Variants in PLD5 observed in about 807,000 individuals in gnomAD.
The protein encoded by PLD5 is inactive phospholipase D5.
Under a neutral mutation model 61.1 loss-of-function variants are expected in PLD5, and 36 were observed. The observed-to-expected ratio is 0.59, with a 90% CI of 0.45 to 0.78. PLD5 has a LOEUF of 0.78. Among genes scored for constraint, PLD5 ranks in the 30% least tolerant of loss-of-function variants. The pLI is 0.00. For missense variants in PLD5, 515 were observed against 644.4 expected (o/e 0.80, Z 2.17); for synonymous variants, 243 against 242.8 (o/e 1.00, Z -0.01).
At chr1:242,373,371 C>A (rs1661756221) in intron 1 of PLD5, among the ~76,000 whole-genome samples, 1 of 152,172 alleles carries the variant, frequency 6.6e-6, no homozygotes, top group African/African-American at 2.4e-5. Flanking sequence ...ACTAGTTCAA[C>A]CATTGTGGAA....
intron 1 of PLD5, among the ~76,000 whole-genome samples, chr1:242,508,138 C>T (rs1043458503): frequency 6.7e-6 from 1 of 150,372 alleles, no homozygotes; most frequent in African/African-American, 2.4e-5. Flanking sequence ...CCAAGGTGGG[C>T]GGATCACCTG....
At chr1:242,475,280 G>A (rs927213989) in intron 1 of PLD5, among the ~76,000 whole-genome samples, 1 of 151,938 alleles carries the variant, frequency 6.6e-6, no homozygotes, top group African/African-American at 2.4e-5. Flanking sequence ...AAAATTAGCT[G>A]GGCGCGGTGG....
intron 3 of PLD5, among the ~76,000 whole-genome samples, chr1:242,282,395 C>T (rs1459897862): frequency 6.6e-6 from 1 of 152,170 alleles, no homozygotes; most frequent in Non-Finnish European, 1.5e-5. Context: ...ATCTGCTAAC[C>T]ACTGTGTAGA....
At chr1:242,250,771 T>C (rs1248636531) in intron 4 of PLD5, among the ~76,000 whole-genome samples, 1 of 151,998 alleles carries the variant, frequency 6.6e-6, no homozygotes, top group Non-Finnish European at 1.5e-5. Flanking sequence ...CCTCATTCAG[T>C]GTGGAGAATA....
chr1:242,099,312 C>T (rs540688686), intron 9 of PLD5, among the ~76,000 whole-genome samples: 14 of 151,920 alleles, frequency 9.2e-5, no homozygotes, highest in South Asian at 4.2e-4. Flanking sequence ...TTTTTAGTAA[C>T]GACAGGTTTT....
At chr1:242,445,694 T>C (rs1290043917) in intron 1 of PLD5, among the ~76,000 whole-genome samples, 1 of 151,976 alleles carries the variant, frequency 6.6e-6, no homozygotes, top group Non-Finnish European at 1.5e-5. Context: ...TAGAGCAGCC[T>C]GAACAGACTA....
chr1:242,322,795 C>T (rs1658503746), intron 2 of PLD5, among the ~76,000 whole-genome samples: 1 of 152,216 alleles, frequency 6.6e-6, no homozygotes, highest in Admixed American at 6.5e-5. Context: ...CCTGAGGTCT[C>T]CCCAGCCATG....
chr1:242,306,880 TG>T (rs1468343374), intron 2 of PLD5, among the ~76,000 whole-genome samples: 2 of 152,180 alleles, frequency 1.3e-5, no homozygotes, highest in African/African-American at 4.8e-5. Context: ...GAAACACATA[TG>T]ATATCACATA....
intron 5 of PLD5, among the ~76,000 whole-genome samples, chr1:242,126,657 A>C (rs942160397): frequency 3.3e-5 from 5 of 152,186 alleles, no homozygotes; most frequent in Non-Finnish European, 7.3e-5. Context: ...ACAAAAATCA[A>C]CTCAAGGTGG....
intron 1 of PLD5, among the ~76,000 whole-genome samples, chr1:242,405,361 G>A (rs965653914): frequency 6.6e-6 from 1 of 152,180 alleles, no homozygotes; most frequent in African/African-American, 2.4e-5. Flanking sequence ...AACTGTCGGA[G>A]GTAGCGGCTA....
At chr1:242,296,902 C>T (rs1252117911) in intron 2 of PLD5, among the ~76,000 whole-genome samples, 1 of 152,142 alleles carries the variant, frequency 6.6e-6, no homozygotes, top group Non-Finnish European at 1.5e-5. Flanking sequence ...TATTTATTTA[C>T]TGTTGTAGAG....
At chr1:242,475,373 A>C (rs1667560834) in intron 1 of PLD5, among the ~76,000 whole-genome samples, 2 of 140,326 alleles carry the variant, frequency 1.4e-5, no homozygotes, top group Non-Finnish European at 3.1e-5. Flanking sequence ...CAGTGAGCCG[A>C]GATTGCGCCA....
At chr1:242,245,891 C>G (rs1558392196) in intron 4 of PLD5, among the ~76,000 whole-genome samples, 1 of 152,142 alleles carries the variant, frequency 6.6e-6, no homozygotes, top group African/African-American at 2.4e-5. Context: ...GAACTCACAG[C>G]CCCCCTTCTT....
intron 5 of PLD5, among the ~76,000 whole-genome samples, chr1:242,137,518 TC>T: frequency 6.6e-6 from 1 of 152,308 alleles, no homozygotes; most frequent in African/African-American, 2.4e-5. Context: ...TTTAGGGATA[TC>T]CTATTTGGAA....
chr1:242,239,212 T>C (rs1377395130), intron 4 of PLD5, among the ~76,000 whole-genome samples: 1 of 152,192 alleles, frequency 6.6e-6, no homozygotes, highest in African/African-American at 2.4e-5. Context: ...GTAGAATCTC[T>C]GTGCTCCTCA....
At chr1:242,284,617 G>A (rs1456860678) in intron 3 of PLD5, among the ~76,000 whole-genome samples, 3 of 152,186 alleles carry the variant, frequency 2.0e-5, no homozygotes, top group African/African-American at 7.2e-5. Context: ...TAAGACCATA[G>A]TCCATGCCTG....
intron 2 of PLD5, among the ~76,000 whole-genome samples, chr1:242,303,598 T>C (rs1676183873): frequency 6.6e-6 from 1 of 152,236 alleles, no homozygotes; most frequent in South Asian, 2.1e-4. Flanking sequence ...TGGATTTATT[T>C]ATTTTAAAAT....
intron 3 of PLD5, among the ~76,000 whole-genome samples, chr1:242,280,600 G>T (rs760117639): frequency 2.0e-4 from 31 of 152,056 alleles, no homozygotes; most frequent in Non-Finnish European, 3.7e-4. Context: ...TGCTTTCCCT[G>T]ACTGCTTTAC....
chr1:242,162,423 C>T (rs1474177647), intron 5 of PLD5, among the ~76,000 whole-genome samples: 1 of 152,154 alleles, frequency 6.6e-6, no homozygotes, highest in African/African-American at 2.4e-5. Flanking sequence ...TTACAGGAAG[C>T]AGGTCAATAT....
Sources: gnomAD v4.1 joint callset for allele counts (sites outside exome capture counted in the v4.1 genomes callset) on GRCh38, gnomAD v4.1.1 for gene constraint, MANE v1.5 for transcripts, NCBI Gene and HGNC (gene_info 2026-07-23, HGNC 2026-07-21) for gene names.